CCNB2: variants seen among roughly 807,000 people sequenced by gnomAD.
CCNB2 encodes the protein G2/mitotic-specific cyclin-B2.
Under a neutral mutation model 51.1 loss-of-function variants are expected in CCNB2, and 39 were observed. The ratio of observed to expected loss-of-function variants is 0.76; its 90% CI spans 0.59 to 1.00. The LOEUF (loss-of-function observed/expected upper bound fraction) is 1.00. Ranked by LOEUF, CCNB2 falls within the 50% of genes least tolerant of loss-of-function variation. The probability of loss-of-function intolerance (pLI) is 0.00; values close to 1 mark genes in which losing one functional copy is unlikely to be tolerated. For synonymous variants in CCNB2, 174 were observed against 165.5 expected (o/e 1.05, Z -0.40); for missense variants, 472 against 470.3 (o/e 1.00, Z -0.03).
Position 59,114,750 on chromosome 15 carries a change from T to C in CCNB2, c.471T>C (p.Asp157=). 1.2e-6 allele frequency: 2 copies of C among 1,613,594 alleles called. No homozygotes were observed. Among genetic ancestry groups the C allele is most frequent in the Middle Eastern group, 1.7e-4 (1 of 6,054 alleles). The part of the protein sequence containing the change: ...VLQSINPHFL[D]GRDINGRMRA... Reference sequence around the variant, plus strand: ...AGTCCATAAACCCACATTTCTTAGATGGAAGAGATATAAATGGACGCATGC... The same window carrying C: ...AGTCCATAAACCCACATTTCTTAGACGGAAGAGATATAAATGGACGCATGC... Residue 157 remains aspartate (D), a synonymous_variant, in exon 5 of 9, where the codon GAT becomes GAC. Coordinates refer to ENST00000288207, the MANE Select transcript of CCNB2 (RefSeq NM_004701.4).
intron 4 of CCNB2, 31 bp from the exon 5 acceptor site, chr15:59,114,687 C>G (rs748017216): frequency 1.4e-5 from 23 of 1,592,328 alleles, no homozygotes; most frequent in Non-Finnish European, 2.0e-5. Flanking sequence ...CAAACAAGGT[C>G]AGCTTTTTAA....
chr15:59,110,555 G>A (rs557974751), intron 3 of CCNB2, among the ~76,000 whole-genome samples: 242 of 152,284 alleles, frequency 1.6e-3, no homozygotes, highest in Non-Finnish European at 3.0e-3. Flanking sequence ...GCCAATCCCT[G>A]GAGGTGTGGA....
In CCNB2 at chr15:59,114,425, C is replaced by T. The variant is rs767189845; in HGVS notation, c.268-19C>T. On this transcript the variant is annotated intron_variant, in intron 3 of 8. Coordinates refer to ENST00000288207, the MANE Select transcript of CCNB2 (RefSeq NM_004701.4). ...ATGGTTAAGGCTGCTCCTACATGTG[C>T]CTAAATTTGTTGGTGTAGGGTCCTT... 5.8e-6 allele frequency: 9 copies of T among 1,558,612 alleles called. No homozygotes were observed. Among genetic ancestry groups the T allele is most frequent in the South Asian group, 1.2e-5 (1 of 82,320 alleles).
intron 3 of CCNB2, among the ~76,000 whole-genome samples, chr15:59,113,068 T>G (rs2079264535): frequency 6.6e-6 from 1 of 152,164 alleles, no homozygotes; most frequent in Non-Finnish European, 1.5e-5. Flanking sequence ...AAAGATTTTT[T>G]TATCTTTCAT....
chr15:59,105,167 C>T lies in CCNB2; in HGVS notation c.-102C>T, dbSNP rs1369821979. On this transcript the variant is annotated 5_prime_UTR_variant, in exon 1 of 9. Transcript: ENST00000288207. ...CGTCGAAGATCCCCAGCGCTGCGGG[C>T]TCGGAGAGCAGTCCTAACGGCGCCT... 3.5e-5 allele frequency: 38 copies of T among 1,099,766 alleles called. No individual in the cohort carries two copies. Among genetic ancestry groups the T allele is most frequent in the South Asian group, 2.6e-4 (18 of 69,472 alleles). The allele number at this position is 1,099,766 out of a possible 1,614,324, so 68.1% of individuals were successfully genotyped here.
chr15:59,124,175 A>T (rs1327016370), intron 8 of CCNB2: 2 of 161,482 alleles, frequency 1.2e-5, no homozygotes, highest in African/African-American at 4.8e-5. Context: ...ACCTATGAGG[A>T]GGAGCCAAAG....
intron 7 of CCNB2, among the ~76,000 whole-genome samples, chr15:59,117,698 G>C (rs760033689): frequency 3.3e-5 from 5 of 152,082 alleles, no homozygotes; most frequent in Non-Finnish European, 5.9e-5. Flanking sequence ...CCTTGAACTC[G>C]GCTCAAGCAG....
chr15:59,123,694 G>T lies in CCNB2; in HGVS notation c.1086+67G>T, dbSNP rs537037874. On this transcript the variant is annotated intron_variant, in intron 8 of 8. Transcript: ENST00000288207. Reference sequence around the variant, plus strand: ...TCTGGGTTTTGTGTGTATGTTGGGCGGGGGGGGGCGGTGTGTGCCGTCATG... The same window carrying T: ...TCTGGGTTTTGTGTGTATGTTGGGCTGGGGGGGGCGGTGTGTGCCGTCATG... 4.5e-5 allele frequency: 29 copies of T among 641,662 alleles called. 1 individual carries two copies. The highest frequency in any genetic ancestry group is 3.1e-4 in the Middle Eastern group (1 of 3,228). 39.7% of individuals were successfully genotyped at this position (641,662 alleles called of 1,614,324 possible).
At chr15:59,121,640 CAG>C (rs1300400273) in intron 7 of CCNB2, 3 of 152,058 alleles carry the variant, frequency 2.0e-5, no homozygotes, top group African/African-American at 4.8e-5. Context: ...CACAAAAAAA[CAG>C]AGAAACTGGC....
chr15:59,109,065 G>A (rs150573378), intron 3 of CCNB2, among the ~76,000 whole-genome samples: 88 of 152,212 alleles, frequency 5.8e-4, no homozygotes, highest in African/African-American at 1.9e-3. Context: ...TATATTTTTG[G>A]GGGGGGACGG....
intron 7 of CCNB2, among the ~76,000 whole-genome samples, chr15:59,119,251 G>T (rs2079292007): frequency 6.6e-6 from 1 of 152,094 alleles, no homozygotes; most frequent in African/African-American, 2.4e-5. Context: ...TTAAGTACTT[G>T]TTGCTTGAGC....
At chr15:59,117,165 C>T in intron 6 of CCNB2, 63 bp from the exon 7 acceptor site, 1 of 1,558,090 alleles carries the variant, frequency 6.4e-7, no homozygotes, top group Non-Finnish European at 8.8e-7. Flanking sequence ...GGCCTTCACG[C>T]AGAATTTTGC....
chr15:59,106,776 T>C (rs1203805037), intron 1 of CCNB2, among the ~76,000 whole-genome samples: 1 of 152,190 alleles, frequency 6.6e-6, no homozygotes, highest in Non-Finnish European at 1.5e-5. Context: ...GCTGTAGTTC[T>C]AAAAGATCAT....
At position 59,123,620 on chromosome 15, in the gene CCNB2, A is replaced by C; in HGVS notation, c.1079A>C (p.Lys360Thr). 1 of 1,593,996 alleles carries C rather than the reference A, an allele frequency of 6.3e-7. No homozygotes were observed. Among genetic ancestry groups the C allele is most frequent in the South Asian group, 1.1e-5 (1 of 90,596 alleles). ...NVVKVNENLT[K>T]FIAIKNKYAS... ...GTGAAAGTAAATGAAAACTTAACTA[A>C]ATTCATCGTAAGTACTACTGTTTTC... is the stretch of plus-strand genomic sequence containing the variant. Residue 360 changes from lysine (K) to threonine (T), a missense_variant, in exon 8 of 9, where the codon AAA becomes ACA. Lys to Thr is a moderately conservative substitution (Grantham distance 78). Coordinates refer to ENST00000288207, the MANE Select transcript of CCNB2 (RefSeq NM_004701.4).
Position 59,107,628 on chromosome 15 carries a change from T to G in CCNB2, c.225T>G (p.Thr75=). ...ATGTCAACAAACAACTGAAACCTAC[T>G]GCTTCTGTCAAACCAGTACAGATGG... The part of the protein sequence containing the change: ...TTNVNKQLKP[T]ASVKPVQMEK... The change falls in exon 3 of 9, where the codon ACT becomes ACG. Residue 75 remains threonine, a synonymous_variant. Coordinates refer to ENST00000288207, the MANE Select transcript of CCNB2 (RefSeq NM_004701.4). 6.2e-7 allele frequency: 1 copy of G among 1,614,176 alleles called. No homozygotes were observed. The highest frequency in any genetic ancestry group is 8.5e-7 in the Non-Finnish European group (1 of 1,180,022).
In CCNB2 at chr15:59,114,865, C is replaced by G. The variant is rs528221556; in HGVS notation, c.586C>G (p.Arg196Gly). 6.2e-7 allele frequency: 1 copy of G among 1,612,418 alleles called. No homozygotes were observed. Among genetic ancestry groups the G allele is most frequent in the Admixed American group, 1.7e-5 (1 of 59,866 alleles). Residue 196 changes from arginine to glycine, a missense_variant, in exon 5 of 9, where the codon CGA becomes GGA. Physicochemically the swap from Arg to Gly is moderately radical, Grantham distance 125 (BLOSUM62 -2). Transcript: ENST00000288207. ...TLYMCVGIMD[R>G]FLQVQPVSRK... ...GTACATGTGCGTTGGCATTATGGAT[C>G]GATTTTTACAGGTAGGTGTGGCTTC...
At position 59,114,716 on chromosome 15, in the gene CCNB2, A is replaced by C. The variant is rs762486728; in HGVS notation, c.439-2A>C. The C allele has an allele frequency of 6.2e-7, 1 of 1,603,586 alleles. No homozygotes were observed. Among genetic ancestry groups the C allele is most frequent in the Non-Finnish European group, 8.5e-7 (1 of 1,172,648 alleles). ...TTTTTAAACTTTTGATTCTACCCACAGGTTTTGCAGTCCATAAACCCACAT... is the reference window on the plus strand; with the variant it reads ...TTTTTAAACTTTTGATTCTACCCACCGGTTTTGCAGTCCATAAACCCACAT... On this transcript the variant is annotated splice_acceptor_variant, in intron 4 of 8. Coordinates refer to ENST00000288207, the MANE Select transcript of CCNB2 (RefSeq NM_004701.4). LOFTEE classifies it high-confidence loss of function.
At chr15:59,109,431 GT>G (rs1209320402) in intron 3 of CCNB2, among the ~76,000 whole-genome samples, 1 of 152,182 alleles carries the variant, frequency 6.6e-6, no homozygotes, top group Non-Finnish European at 1.5e-5. Flanking sequence ...GCTATGATGA[GT>G]GTCTCTTATA....
rs1289080177 is a variant in CCNB2, at chr15:59,105,146, G to T, written c.-123G>T. 7.8e-6 allele frequency: 7 copies of T among 901,722 alleles called. No individual in the cohort carries two copies. Among genetic ancestry groups the T allele is most frequent in the Non-Finnish European group, 1.0e-5 (6 of 599,014 alleles). 55.9% of individuals were successfully genotyped at this position (901,722 alleles called of 1,614,324 possible). ...AATCCTGGAACAAGGCTACAGCGTC[G>T]AAGATCCCCAGCGCTGCGGGCTCGG... On this transcript the variant is annotated 5_prime_UTR_variant, in exon 1 of 9. Transcript: ENST00000288207.
Sources: allele counts gnomAD v4.1 joint callset (sites outside exome capture counted in the v4.1 genomes callset), GRCh38; gene constraint gnomAD v4.1.1; transcripts MANE v1.5; gene names NCBI Gene and HGNC (gene_info 2026-07-23, HGNC 2026-07-21).